Variants in CTSV observed in about 807,000 individuals in gnomAD.
The protein encoded by CTSV is cathepsin V.
A neutral mutation model predicts 35.6 loss-of-function variants in CTSV; 33 were observed. The ratio of observed to expected loss-of-function variants is 0.93; its 90% CI spans 0.70 to 1.24. The LOEUF is 1.24. Ranked by LOEUF, CTSV falls within the 50% of genes most tolerant of loss-of-function variation. The pLI is 0.00. For synonymous variants in CTSV, 154 were observed against 147.1 expected (o/e 1.05, Z -0.34); for missense variants, 408 against 413.1 (o/e 0.99, Z 0.11).
chr9:97,032,692 T>C lies in CTSV; in HGVS notation c.*257A>G. On this transcript the variant is annotated 3_prime_UTR_variant, in exon 8 of 8. Transcript: ENST00000259470. Reference sequence around the variant, plus strand: ...TTAAAATTTATTTCAAACTGTTTTGTACATCTTTTTAAAAAATGAAAATTC... The same window carrying C: ...TTAAAATTTATTTCAAACTGTTTTGCACATCTTTTTAAAAAATGAAAATTC... 1 of 359,632 alleles carries C rather than the reference T, an allele frequency of 2.8e-6. No individual in the cohort carries two copies. The allele number at this position is 359,632 out of a possible 1,614,324, so 22.3% of individuals were successfully genotyped here.
Position 97,030,930 on chromosome 9 carries a change from A to G in CTSV, c.*2019T>C, listed in dbSNP as rs1046551155. 2 of 152,174 alleles carry G rather than the reference A, an allele frequency of 1.3e-5. No homozygotes were observed. Among genetic ancestry groups the G allele is most frequent in the African/African-American group, 4.8e-5 (2 of 41,444 alleles). 9.4% of individuals were successfully genotyped at this position (152,174 alleles called of 1,614,324 possible). A position where few individuals can be genotyped will look rare whatever the true frequency, so the allele number is the denominator to read the frequency against. ...TGGTTAAGTCTGTGCTTCAGACTAG[A>G]TTTTTCAAGTCTACTGGCTTGTTTG... On this transcript the variant is annotated 3_prime_UTR_variant, in exon 8 of 8. Coordinates refer to ENST00000259470, the MANE Select transcript of CTSV (RefSeq NM_001333.4).
chr9:97,037,712 C>A, intron 2 of CTSV, 97 bp from the exon 3 acceptor site: 8 of 1,537,130 alleles, frequency 5.2e-6, no homozygotes, highest in Non-Finnish European at 7.1e-6. Flanking sequence ...GAAACCATGG[C>A]CAGGGATGGG....
chr9:97,036,715 C>G lies in CTSV; in HGVS notation c.429G>C (p.Ala143=). 3 of 1,611,896 alleles carry G rather than the reference C, an allele frequency of 1.9e-6. No homozygotes were observed. The highest frequency in any genetic ancestry group is 2.5e-6 in the Non-Finnish European group (3 of 1,179,392). Residue 143 remains alanine, a synonymous_variant, in exon 5 of 8, where the codon GCG becomes GCC. Transcript: ENST00000259470. The stretch of plus-strand genomic sequence containing the variant: ...ACATCTGTCCTTCAAGAGCACCAGT[C>G]GCACTAAAAGCCCAACAAGAACCAC... ...KQCGSCWAFS[A]TGALEGQMFR...
At chr9:97,038,124 T>C (rs1348597853) in intron 1 of CTSV, 71 bp from the exon 2 acceptor site, 1 of 1,454,120 alleles carries the variant, frequency 6.9e-7, no homozygotes, top group Non-Finnish European at 9.4e-7. Context: ...CCCCGTGGAA[T>C]AGAAATATTT....
chr9:97,032,637 A>G lies in CTSV; in HGVS notation c.*312T>C, dbSNP rs1281166984. On this transcript the variant is annotated 3_prime_UTR_variant, in exon 8 of 8. Transcript: ENST00000259470. ...TCCTGACTACACAAAAAGCCAATGCATTAAAAAAAGGCCCACCTTTATATA... is the reference window on the plus strand; with the variant it reads ...TCCTGACTACACAAAAAGCCAATGCGTTAAAAAAAGGCCCACCTTTATATA... 4.4e-6 allele frequency: 1 copy of G among 229,762 alleles called. No homozygotes were observed. Among genetic ancestry groups the G allele is most frequent in the Non-Finnish European group, 8.2e-6 (1 of 121,612 alleles). 14.2% of individuals were successfully genotyped at this position (229,762 alleles called of 1,614,324 possible).
chr9:97,033,235 G>T (rs1283580198), intron 7 of CTSV, among the ~76,000 whole-genome samples, 187 bp from the exon 8 acceptor site: 1 of 152,144 alleles, frequency 6.6e-6, no homozygotes, highest in Non-Finnish European at 1.5e-5. Flanking sequence ...CCAGCACTTT[G>T]GGAGGCCGAG....
chr9:97,037,279 T>G lies in CTSV; in HGVS notation c.369A>C (p.Lys123Asn), dbSNP rs139348613. ...GATTCTTCACTGGCGTCACGTAGCC[T>G]TTCTTTCTCCAATCCACAGATTTGG... ...DLPKSVDWRK[K>N]GYVTPVKNQK... Residue 123 changes from lysine (K) to asparagine (N), a missense_variant, in exon 4 of 8, where the codon AAA becomes AAC. Transcript: ENST00000259470. 15 of 1,614,062 alleles carry G rather than the reference T, an allele frequency of 9.3e-6. No homozygotes were observed. The African/African-American group carries it at 2.0e-4, about 22-fold the overall frequency.
chr9:97,037,682 T>C (rs1360810625), intron 2 of CTSV, 67 bp from the exon 3 acceptor site: 2 of 1,585,442 alleles, frequency 1.3e-6, no homozygotes, highest in African/African-American at 1.3e-5. Context: ...CCAAGCCGAT[T>C]TGCGGGCAGA....
Position 97,038,061 on chromosome 9 carries a change from G to A in CTSV, c.-10-8C>T. The A allele has an allele frequency of 1.2e-6, 2 of 1,611,820 alleles. No homozygotes were observed. The highest frequency in any genetic ancestry group is 2.2e-5 in the South Asian group (2 of 91,018). ...AGATTCATGTTTCAAAACCTAGAAAGAGAAAAGAAATGAGTATCTGATTAG... is the reference window on the plus strand; with the variant it reads ...AGATTCATGTTTCAAAACCTAGAAAAAGAAAAGAAATGAGTATCTGATTAG... On this transcript the variant is annotated splice_polypyrimidine_tract_variant and splice_region_variant and intron_variant, in intron 1 of 7. Coordinates refer to ENST00000259470, the MANE Select transcript of CTSV (RefSeq NM_001333.4).
chr9:97,039,102 A>C lies in CTSV; in HGVS notation c.-42T>G, dbSNP rs1269474678. 1 of 152,566 alleles carries C rather than the reference A, an allele frequency of 6.6e-6. No individual in the cohort carries two copies. Among genetic ancestry groups the C allele is most frequent in the Non-Finnish European group, 1.5e-5 (1 of 68,346 alleles). 9.5% of individuals were successfully genotyped at this position (152,566 alleles called of 1,614,324 possible). On this transcript the variant is annotated 5_prime_UTR_variant, in exon 1 of 8. Transcript: ENST00000259470. ...CCGTCGCAGCTGCGCAGGCACCCTC[A>C]GCAAACAAGCCTCTGAGATTACAGA...
chr9:97,038,320 C>T, intron 1 of CTSV: 1 of 294,332 alleles, frequency 3.4e-6, no homozygotes, highest in South Asian at 4.5e-5. Context: ...AAGCTTAAGG[C>T]AACAACTAGA....
Position 97,038,072 on chromosome 9 carries a change from T to C in CTSV, c.-10-19A>G, listed in dbSNP as rs1040865840. 1.6e-5 allele frequency: 26 copies of C among 1,610,578 alleles called. No homozygotes were observed. Among genetic ancestry groups the C allele is most frequent in the Non-Finnish European group, 2.0e-5 (23 of 1,177,744 alleles). ...TCAAAACCTAGAAAGAGAAAAGAAA[T>C]GAGTATCTGATTAGACCAATCCTAA... On this transcript the variant is annotated intron_variant, in intron 1 of 7. Transcript: ENST00000259470.
intron 1 of CTSV, 31 bp from the exon 2 acceptor site, chr9:97,038,084 T>G (rs759431747): frequency 6.3e-7 from 1 of 1,597,592 alleles, no homozygotes; most frequent in South Asian, 1.1e-5. Context: ...AGTATCTGAT[T>G]AGACCAATCC....
chr9:97,030,953 T>C lies in CTSV; in HGVS notation c.*1996A>G, dbSNP rs1828735233. ...AGATTTTTCAAGTCTACTGGCTTGT[T>C]TGAAAAACGCTTTTAGACAACACAT... On this transcript the variant is annotated 3_prime_UTR_variant, in exon 8 of 8. Coordinates refer to ENST00000259470, the MANE Select transcript of CTSV (RefSeq NM_001333.4). 3 of 152,246 alleles carry C rather than the reference T, an allele frequency of 2.0e-5. No homozygotes were observed. Among genetic ancestry groups the C allele is most frequent in the African/African-American group, 2.4e-5 (1 of 41,462 alleles). The allele number at this position is 152,246 out of a possible 1,614,324, so 9.4% of individuals were successfully genotyped here.
At position 97,036,760 on chromosome 9, in the gene CTSV, A is replaced by G. The variant is rs185206876; in HGVS notation, c.397-13T>C. The G allele has an allele frequency of 1.1e-5, 17 of 1,555,438 alleles. No homozygotes were observed. The highest frequency in any genetic ancestry group is 2.3e-5 in the East Asian group (1 of 44,398). On this transcript the variant is annotated splice_polypyrimidine_tract_variant and intron_variant, in intron 4 of 7. Coordinates refer to ENST00000259470, the MANE Select transcript of CTSV (RefSeq NM_001333.4). ...AACCACACTGTTTCTAAAAAGGGAG[A>G]AAAAAAAAGCTGTAAATTTACAAGA...
chr9:97,039,536 T>C (rs10980255), upstream of CTSV: 1 of 152,226 alleles, frequency 6.6e-6, no homozygotes, highest in Admixed American at 6.5e-5. Context: ...TCTCGTTCAG[T>C]GGCTCCTGTT....
At chr9:97,034,948 T>C in intron 6 of CTSV, 105 bp from the exon 7 acceptor site, 1 of 803,094 alleles carries the variant, frequency 1.2e-6, no homozygotes, top group Non-Finnish European at 2.0e-6. Flanking sequence ...TTCAGTAAAA[T>C]GTCATAAACA....
At chr9:97,038,765 G>A (rs1301553553) in intron 1 of CTSV, among the ~76,000 whole-genome samples, 4 of 152,182 alleles carry the variant, frequency 2.6e-5, no homozygotes, top group Admixed American at 6.5e-5. Flanking sequence ...GCCGCGCCCC[G>A]AGAATGTTTG....
intron 7 of CTSV, among the ~76,000 whole-genome samples, chr9:97,033,496 C>T (rs1422758079): frequency 6.6e-6 from 1 of 151,604 alleles, no homozygotes; most frequent in African/African-American, 2.4e-5. Context: ...GTAATCCCAG[C>T]TACTTGGGAG....
Sources: allele counts gnomAD v4.1 joint callset (sites outside exome capture counted in the v4.1 genomes callset), GRCh38; gene constraint gnomAD v4.1.1; transcripts MANE v1.5; gene names NCBI Gene and HGNC (gene_info 2026-07-23, HGNC 2026-07-21).